EBF1: variants seen among roughly 807,000 people sequenced by gnomAD.
The protein encoded by EBF1 is EBF transcription factor 1.
A neutral mutation model predicts 68.4 loss-of-function variants in EBF1; 10 were observed. The ratio of observed to expected loss-of-function variants is 0.15; its 90% confidence interval spans 0.09 to 0.25. The LOEUF (loss-of-function observed/expected upper bound fraction) is 0.25. Ranked by LOEUF, EBF1 falls within the 10% of genes least tolerant of loss-of-function variation. EBF1 has a pLI of 1.00. For synonymous variants in EBF1, 298 were observed against 299.8 expected, an observed-to-expected ratio of 0.99 and a Z score of 0.06; for missense variants, 509 against 794.4, an observed-to-expected ratio of 0.64 and a Z score of 4.32.
At chr5:158,754,800 C>T (rs1769693092) in intron 10 of EBF1, among the ~76,000 whole-genome samples, 2 of 152,186 alleles carry the variant, frequency 1.3e-5, no homozygotes, top group East Asian at 1.9e-4. Flanking sequence ...CCTTATTTTG[C>T]TCTAAACAAA....
At chr5:158,751,830 G>A (rs1259375441) in intron 10 of EBF1, among the ~76,000 whole-genome samples, 1 of 152,046 alleles carries the variant, frequency 6.6e-6, no homozygotes, top group Non-Finnish European at 1.5e-5. Context: ...AATGGACATG[G>A]CCAAAATATT....
chr5:159,090,579 T>G (rs1013337405), intron 4 of EBF1, among the ~76,000 whole-genome samples: 4 of 152,162 alleles, frequency 2.6e-5, no homozygotes, highest in African/African-American at 7.2e-5. Flanking sequence ...ATCACAGCCC[T>G]GAATAAAAAG....
chr5:158,853,131 T>G (rs1793297273), intron 6 of EBF1, among the ~76,000 whole-genome samples: 1 of 152,222 alleles, frequency 6.6e-6, no homozygotes, highest in Non-Finnish European at 1.5e-5. Context: ...CTGAATTGAC[T>G]GCCAGAATCC....
intron 2 of EBF1, 32 bp downstream of exon 2, chr5:159,096,942 G>A (rs749018261): frequency 1.2e-6 from 2 of 1,609,582 alleles, no homozygotes; most frequent in Middle Eastern, 1.7e-4. Context: ...GCCGAGCCGG[G>A]GACGAGGGGC....
intron 6 of EBF1, among the ~76,000 whole-genome samples, chr5:159,021,597 A>G (rs988512270): frequency 5.3e-5 from 8 of 152,228 alleles, no homozygotes; most frequent in Non-Finnish European, 1.0e-4. Flanking sequence ...TATAAAGACA[A>G]GGAGGATTTG....
intron 6 of EBF1, among the ~76,000 whole-genome samples, chr5:159,035,411 C>T (rs938685609): frequency 1.3e-5 from 2 of 152,098 alleles, no homozygotes; most frequent in African/African-American, 4.8e-5. Context: ...TTTGGCAGCT[C>T]TAGATGTTAA....
At chr5:158,719,318 C>G (rs1458337934) in intron 11 of EBF1, among the ~76,000 whole-genome samples, 1 of 152,102 alleles carries the variant, frequency 6.6e-6, no homozygotes, top group African/African-American at 2.4e-5. Context: ...AGGCTGCTAG[C>G]AACATGAGGT....
Position 158,994,280 on chromosome 5 carries a change from T to C in EBF1, c.554+79116A>G, listed in dbSNP as rs116113857. Among the ~76,000 whole-genome samples the C allele has an allele frequency of 4.2e-3, 635 of 152,350 alleles. 4 individuals carry two copies. Among genetic ancestry groups the C allele is most frequent in the African/African-American group, 0.014 (581 of 41,578 alleles). Reference sequence around the variant, plus strand: ...TAGACCAAAGAACACTCTAATTTTCTATAAGTACAATGAGCGATCTGATTC... The same window carrying C: ...TAGACCAAAGAACACTCTAATTTTCCATAAGTACAATGAGCGATCTGATTC... On this transcript the variant is annotated intron_variant, in intron 6 of 15. Coordinates refer to ENST00000313708, the MANE Select transcript of EBF1 (RefSeq NM_024007.5).
At chr5:158,726,284 A>G (rs569988980) in intron 11 of EBF1, among the ~76,000 whole-genome samples, 1 of 152,306 alleles carries the variant, frequency 6.6e-6, no homozygotes, top group Non-Finnish European at 1.5e-5. Context: ...CAGCTTGAAA[A>G]AGGCTCTGAA....
intron 6 of EBF1, among the ~76,000 whole-genome samples, chr5:158,882,217 T>C (rs1455648288): frequency 6.6e-6 from 1 of 152,220 alleles, no homozygotes; most frequent in African/African-American, 2.4e-5. Context: ...GAAGTTAACA[T>C]TTCAAGCAGG....
chr5:158,851,461 G>A (rs1250103280), intron 6 of EBF1, among the ~76,000 whole-genome samples: 2 of 114,726 alleles, frequency 1.7e-5, no homozygotes, highest in South Asian at 3.7e-4. Flanking sequence ...GAGGGAAGGG[G>A]AGAAGGGAAG....
chr5:159,078,181 C>T (rs1050081306), intron 5 of EBF1, among the ~76,000 whole-genome samples: 2 of 152,202 alleles, frequency 1.3e-5, no homozygotes, highest in African/African-American at 2.4e-5. Flanking sequence ...GTGAGGACCT[C>T]TCCTTTGTTG....
chr5:158,918,977 A>G (rs1807811675), intron 6 of EBF1, among the ~76,000 whole-genome samples: 1 of 152,254 alleles, frequency 6.6e-6, no homozygotes, highest in South Asian at 2.1e-4. Context: ...TTCATTATCC[A>G]TGAAGCCAAC....
intron 11 of EBF1, among the ~76,000 whole-genome samples, chr5:158,729,125 C>A (rs995430779): frequency 6.6e-6 from 1 of 152,146 alleles, no homozygotes; most frequent in Non-Finnish European, 1.5e-5. Context: ...TCATAGCTAC[C>A]TTTTGTTGGC....
intron 6 of EBF1, among the ~76,000 whole-genome samples, chr5:158,905,556 T>C (rs1039889692): frequency 1.3e-5 from 2 of 152,170 alleles, no homozygotes; most frequent in Non-Finnish European, 2.9e-5. Context: ...GTCATATTTA[T>C]CTTACTGAAA....
chr5:158,744,000 G>C (rs11745230), intron 10 of EBF1, among the ~76,000 whole-genome samples: 3 of 151,754 alleles, frequency 2.0e-5, no homozygotes, highest in Admixed American at 1.3e-4. Flanking sequence ...GTGAAACTCC[G>C]TCTCTACTAA....
At chr5:159,079,031 C>G (rs1216033438) in intron 5 of EBF1, among the ~76,000 whole-genome samples, 1 of 152,186 alleles carries the variant, frequency 6.6e-6, no homozygotes, top group African/African-American at 2.4e-5. Flanking sequence ...GATGCCTTAC[C>G]TATTTCCCTA....
At chr5:158,927,034 A>T (rs1343218032) in intron 6 of EBF1, among the ~76,000 whole-genome samples, 1 of 152,208 alleles carries the variant, frequency 6.6e-6, no homozygotes, top group African/African-American at 2.4e-5. Context: ...CCATAACTCA[A>T]GGCAAATTTA....
At chr5:159,018,301 G>A (rs1219475037) in intron 6 of EBF1, among the ~76,000 whole-genome samples, 1 of 152,204 alleles carries the variant, frequency 6.6e-6, no homozygotes, top group Non-Finnish European at 1.5e-5. Context: ...ACTATGATGT[G>A]GGAGTTAGTG....
Sources: allele counts gnomAD v4.1 joint callset (sites outside exome capture counted in the v4.1 genomes callset), GRCh38; gene constraint gnomAD v4.1.1; transcripts MANE v1.5; gene names NCBI Gene and HGNC (gene_info 2026-07-23, HGNC 2026-07-21).